Variants in WHRN observed in about 807,000 individuals in gnomAD.
The protein encoded by WHRN is CASK-interacting protein CIP98.
In WHRN, 41 loss-of-function variants were observed where a neutral mutation model predicts 68.3. That is an observed-to-expected ratio of 0.60 (90% CI 0.47 to 0.78). WHRN has a LOEUF of 0.78. Among genes scored for constraint, WHRN ranks in the 30% least tolerant of loss-of-function variants. The pLI, the probability that WHRN is intolerant of heterozygous loss-of-function variation, is 0.00. For synonymous variants in WHRN, 560 were observed against 561.3 expected, an observed-to-expected ratio of 1.00 and a Z score of 0.03; for missense variants, 1,243 against 1,244.7, an observed-to-expected ratio of 1.00 and a Z score of 0.02.
chr9:114,502,117 T>C (rs1329978890), intron 1 of WHRN, among the ~76,000 whole-genome samples: 1 of 152,218 alleles, frequency 6.6e-6, no homozygotes, highest in Non-Finnish European at 1.5e-5. Context: ...CAGCCATCAT[T>C]TTGCCTGTTG....
intron 7 of WHRN, among the ~76,000 whole-genome samples, chr9:114,409,908 T>A (rs538864024): frequency 6.6e-6 from 1 of 152,028 alleles, no homozygotes; most frequent in South Asian, 2.1e-4. Flanking sequence ...CAGAAACACA[T>A]GTCAGGTCTC....
At chr9:114,419,680 G>T (rs544421633) in intron 7 of WHRN, among the ~76,000 whole-genome samples, 9 of 152,224 alleles carry the variant, frequency 5.9e-5, no homozygotes, top group Non-Finnish European at 1.3e-4. Flanking sequence ...GTGGGGAGAA[G>T]AACATTCCAG....
intron 7 of WHRN, among the ~76,000 whole-genome samples, chr9:114,414,841 G>A (rs1564124084): frequency 6.6e-6 from 1 of 152,160 alleles, no homozygotes; most frequent in Non-Finnish European, 1.5e-5. Flanking sequence ...TCTACTCAAG[G>A]AGAAGACACC....
chr9:114,438,730 C>T (rs12552204), intron 3 of WHRN, among the ~76,000 whole-genome samples: 5,646 of 152,092 alleles, frequency 0.037, 166 homozygotes, highest in Non-Finnish European at 0.055. Flanking sequence ...GGATTACAGG[C>T]ATGAGCCACC....
At chr9:114,496,482 G>A (rs1843470018) in intron 1 of WHRN, among the ~76,000 whole-genome samples, 1 of 152,164 alleles carries the variant, frequency 6.6e-6, no homozygotes, top group African/African-American at 2.4e-5. Context: ...TGGATCACAT[G>A]GGCCCTGAGT....
chr9:114,424,871 A>G, intron 5 of WHRN, 117 bp downstream of exon 5: 1 of 1,160,386 alleles, frequency 8.6e-7, no homozygotes, highest in Non-Finnish European at 1.3e-6. Context: ...TGGGCAGATA[A>G]GGGGCTGCCC....
intron 1 of WHRN, among the ~76,000 whole-genome samples, chr9:114,498,347 G>A (rs1843637234): frequency 6.6e-6 from 1 of 152,150 alleles, no homozygotes. Flanking sequence ...TGGGCAGGTA[G>A]GGGTACTACT....
At chr9:114,432,344 C>T (rs1184016163) in intron 3 of WHRN, among the ~76,000 whole-genome samples, 1 of 152,208 alleles carries the variant, frequency 6.6e-6, no homozygotes. Context: ...GGAGAGGGGA[C>T]CCTCGTAACA....
At chr9:114,425,823 C>G (rs1013070754) in intron 4 of WHRN, 8 of 324,576 alleles carry the variant, frequency 2.5e-5, no homozygotes, top group African/African-American at 1.5e-4. Flanking sequence ...TGGGATCCAG[C>G]CTGGTGGCCT....
intron 7 of WHRN, among the ~76,000 whole-genome samples, chr9:114,408,927 G>A (rs34004559): frequency 0.12 from 17,639 of 152,156 alleles, 1,239 homozygotes; most frequent in African/African-American, 0.19. Flanking sequence ...GCAAATTTGC[G>A]CGCTCTTCTA....
At chr9:114,403,026 G>T in intron 11 of WHRN, 90 bp from the exon 12 acceptor site, 1 of 1,537,890 alleles carries the variant, frequency 6.5e-7, no homozygotes, top group Non-Finnish European at 8.9e-7. Context: ...ACACTGCCAA[G>T]CAGGCAGCTA....
chr9:114,427,206 T>C (rs1836957060), intron 3 of WHRN, among the ~76,000 whole-genome samples: 1 of 152,208 alleles, frequency 6.6e-6, no homozygotes, highest in Non-Finnish European at 1.5e-5. Context: ...TGCTGTGAAC[T>C]GTGATTGCAC....
chr9:114,501,583 C>CACAT (rs1554746030), intron 1 of WHRN, among the ~76,000 whole-genome samples: 1 of 151,768 alleles, frequency 6.6e-6, no homozygotes, highest in Non-Finnish European at 1.5e-5. Flanking sequence ...CACACACACA[C>CACAT]ACACTGAATC....
At chr9:114,500,325 T>C (rs1259598434) in intron 1 of WHRN, among the ~76,000 whole-genome samples, 1 of 152,168 alleles carries the variant, frequency 6.6e-6, no homozygotes, top group African/African-American at 2.4e-5. Context: ...GAAGCTACAT[T>C]TCAGACATAA....
intron 7 of WHRN, among the ~76,000 whole-genome samples, chr9:114,414,787 G>C (rs1185400515): frequency 2.0e-5 from 3 of 152,230 alleles, no homozygotes; most frequent in Non-Finnish European, 4.4e-5. Context: ...TCTGGAAGGT[G>C]CAGGGGGCAC....
chr9:114,415,369 G>A (rs773960880), intron 7 of WHRN, among the ~76,000 whole-genome samples: 5 of 150,944 alleles, frequency 3.3e-5, no homozygotes, highest in East Asian at 3.9e-4. Context: ...AACGCCTCCC[G>A]CTCCTGACCC....
intron 2 of WHRN, among the ~76,000 whole-genome samples, chr9:114,470,402 G>A (rs1046398900): frequency 6.6e-6 from 1 of 152,202 alleles, no homozygotes; most frequent in African/African-American, 2.4e-5. Context: ...TGGCCAGAGC[G>A]TGGCAGGAGA....
chr9:114,482,654 T>A (rs1842180649), intron 1 of WHRN, among the ~76,000 whole-genome samples: 1 of 150,374 alleles, frequency 6.7e-6, no homozygotes, highest in African/African-American at 2.5e-5. Flanking sequence ...TCGAAAACCA[T>A]GCGGTAGCAA....
chr9:114,408,201 T>C (rs1407353637), intron 7 of WHRN, among the ~76,000 whole-genome samples, 183 bp from the exon 8 acceptor site: 1 of 152,236 alleles, frequency 6.6e-6, no homozygotes, highest in African/African-American at 2.4e-5. Flanking sequence ...ATTTGCCTGC[T>C]GGTCACTTTG....
Sources: gnomAD v4.1 joint callset for allele counts (sites outside exome capture counted in the v4.1 genomes callset) on GRCh38, gnomAD v4.1.1 for gene constraint, MANE v1.5 for transcripts, NCBI Gene and HGNC (gene_info 2026-07-23, HGNC 2026-07-21) for gene names.